Variants in ST7L observed in about 807,000 individuals in gnomAD.
ST7L encodes the protein suppression of tumorigenicity 7 like.
A neutral mutation model predicts 72.5 loss-of-function variants in ST7L; 57 were observed. That is an observed-to-expected ratio of 0.79 (90% CI 0.64 to 0.98). The LOEUF (loss-of-function observed/expected upper bound fraction) is 0.98. ST7L is among the 50% of genes least tolerant of loss of function. The probability of loss-of-function intolerance (pLI) is 0.00; values close to 1 mark genes in which losing one functional copy is unlikely to be tolerated. For missense variants in ST7L, 576 were observed against 672.2 expected (o/e 0.86, Z 1.58); for synonymous variants, 221 against 240.9 (o/e 0.92, Z 0.77).
At chr1:112,595,726 G>A (rs1477296716) in intron 5 of ST7L, among the ~76,000 whole-genome samples, 1 of 152,066 alleles carries the variant, frequency 6.6e-6, no homozygotes, top group East Asian at 1.9e-4. Flanking sequence ...GCCTATTTAT[G>A]TATTTTTCAA....
chr1:112,583,875 C>T, intron 7 of ST7L, 97 bp downstream of exon 7: 1 of 1,377,190 alleles, frequency 7.3e-7, no homozygotes, highest in Non-Finnish European at 9.9e-7. Context: ...ATTAACTAAC[C>T]TGTAAGTATT....
At chr1:112,609,255 G>A (rs1253312773) in intron 3 of ST7L, among the ~76,000 whole-genome samples, 1 of 152,186 alleles carries the variant, frequency 6.6e-6, no homozygotes, top group Non-Finnish European at 1.5e-5. Flanking sequence ...TAGCTGGCCA[G>A]GCTCAGTGGC....
At chr1:112,583,762 C>T (rs140286959) in intron 7 of ST7L, among the ~76,000 whole-genome samples, 13 of 152,340 alleles carry the variant, frequency 8.5e-5, no homozygotes, top group African/African-American at 3.1e-4. Context: ...CTCTCAATAA[C>T]CTGAGCAGAT....
chr1:112,562,107 T>C (rs954692929), intron 11 of ST7L, among the ~76,000 whole-genome samples: 1 of 151,766 alleles, frequency 6.6e-6, no homozygotes, highest in Non-Finnish European at 1.5e-5. Flanking sequence ...GCTGGGACTG[T>C]AGGTGCAACT....
chr1:112,545,029 C>T (rs945389242), intron 13 of ST7L, among the ~76,000 whole-genome samples: 1 of 152,160 alleles, frequency 6.6e-6, no homozygotes, highest in Non-Finnish European at 1.5e-5. Flanking sequence ...CAACTCTGAA[C>T]TTATGAGGTC....
chr1:112,522,307 A>G (rs1323754299), downstream of ST7L: 1 of 152,260 alleles, frequency 6.6e-6, no homozygotes. Context: ...TGGGCGTACA[A>G]GCGCAAGCCA....
chr1:112,560,917 C>T (rs1030425119), intron 11 of ST7L, among the ~76,000 whole-genome samples: 4 of 149,976 alleles, frequency 2.7e-5, no homozygotes, highest in Admixed American at 6.7e-5. Flanking sequence ...AAGCCGAGAT[C>T]GTGCCATTGC....
intron 13 of ST7L, among the ~76,000 whole-genome samples, chr1:112,545,676 G>A (rs1656927103): frequency 6.6e-6 from 1 of 152,162 alleles, no homozygotes; most frequent in South Asian, 2.1e-4. Flanking sequence ...CTTCCTTTTA[G>A]TTCTAGCATA....
intron 14 of ST7L, among the ~76,000 whole-genome samples, chr1:112,530,968 GT>G (rs1340310521): frequency 6.6e-6 from 1 of 152,174 alleles, no homozygotes; most frequent in Non-Finnish European, 1.5e-5. Flanking sequence ...CTTTTATTTA[GT>G]TTTTTGATTA....
chr1:112,543,104 G>GTTGT (rs1424754950), intron 13 of ST7L, among the ~76,000 whole-genome samples: 3 of 152,112 alleles, frequency 2.0e-5, no homozygotes. Context: ...CTGGCATTGA[G>GTTGT]TTGTTATTAA....
At chr1:112,552,599 T>A (rs1490356691) in intron 12 of ST7L, among the ~76,000 whole-genome samples, 7 of 152,144 alleles carry the variant, frequency 4.6e-5, no homozygotes, top group Admixed American at 4.6e-4. Context: ...AGACGGGGTT[T>A]CTCCATGTTG....
intron 3 of ST7L, among the ~76,000 whole-genome samples, chr1:112,604,903 T>C (rs1307160920): frequency 1.5e-5 from 2 of 137,446 alleles, no homozygotes; most frequent in East Asian, 2.2e-4. Flanking sequence ...CTGGCCAACA[T>C]GGTGAAACCC....
chr1:112,525,870 TAAG>T lies in ST7L; in HGVS notation c.*140_*142del, dbSNP rs1363212201. On this transcript the variant is annotated 3_prime_UTR_variant, in exon 15 of 15. Coordinates refer to ENST00000358039, the MANE Select transcript of ST7L (RefSeq NM_017744.5). ...GTTTGCCTAGGAATAACAATATTCATAAGAAGCTTTTTCATATGCAAAATGCTT... is the reference window on the plus strand; with the variant it reads ...GTTTGCCTAGGAATAACAATATTCATAAGCTTTTTCATATGCAAAATGCTT... 8.5e-7 allele frequency: 1 copy of T among 1,173,048 alleles called. No homozygotes were observed. Among genetic ancestry groups the T allele is most frequent in the Non-Finnish European group, 1.2e-6 (1 of 865,692 alleles). The allele number at this position is 1,173,048 out of a possible 1,614,324, so 72.7% of individuals were successfully genotyped here.
chr1:112,586,736 T>C (rs1204807625), intron 6 of ST7L, among the ~76,000 whole-genome samples: 3 of 152,238 alleles, frequency 2.0e-5, no homozygotes, highest in Non-Finnish European at 4.4e-5. Flanking sequence ...TTAATCTTAC[T>C]TTGAAGAATG....
intron 4 of ST7L, among the ~76,000 whole-genome samples, chr1:112,599,073 A>AAAAAAAAAATATATATATATATATAT (rs1190968815): frequency 1.8e-5 from 1 of 56,994 alleles, no homozygotes; most frequent in East Asian, 9.3e-4. Flanking sequence ...AAAAAAAAAA[A>AAAAAAAAAATATATATATATATATAT]ATATATATAT....
chr1:112,521,310 CCTTTT>C (rs1652860442), downstream of ST7L: 1 of 106,502 alleles, frequency 9.4e-6, no homozygotes, highest in Admixed American at 1.1e-4. Context: ...CCTTGTGTTG[CCTTTT>C]TTTTTTTTTT....
At chr1:112,608,469 T>C (rs1668603775) in intron 3 of ST7L, among the ~76,000 whole-genome samples, 1 of 152,188 alleles carries the variant, frequency 6.6e-6, no homozygotes, top group Non-Finnish European at 1.5e-5. Flanking sequence ...ATATATAAGA[T>C]ACTCTATAAA....
chr1:112,593,380 A>G (rs529399055), intron 5 of ST7L, among the ~76,000 whole-genome samples: 7 of 152,322 alleles, frequency 4.6e-5, no homozygotes, highest in African/African-American at 1.7e-4. Context: ...TATGCTGAAT[A>G]TAATTAAAAC....
downstream of ST7L, chr1:112,520,273 A>C (rs763665439): frequency 1.2e-6 from 2 of 1,612,960 alleles, no homozygotes; most frequent in Admixed American, 1.7e-5. Flanking sequence ...TCTCTTCCCC[A>C]ACCCAGGTTC....
Sources: allele counts gnomAD v4.1 joint callset (sites outside exome capture counted in the v4.1 genomes callset), GRCh38; gene constraint gnomAD v4.1.1; transcripts MANE v1.5; gene names NCBI Gene and HGNC (gene_info 2026-07-23, HGNC 2026-07-21).